LETM2: variants seen among roughly 807,000 people sequenced by gnomAD.
LETM2 encodes the protein leucine zipper and EF-hand containing transmembrane protein 2.
Under a neutral mutation model 59.6 loss-of-function variants are expected in LETM2, and 58 were observed. The ratio of observed to expected loss-of-function variants is 0.97; its 90% CI spans 0.79 to 1.21. The LOEUF (loss-of-function observed/expected upper bound fraction) is 1.21. Among genes scored for constraint, LETM2 ranks in the 50% most tolerant of loss-of-function variants. LETM2 has a pLI of 0.00. For missense variants in LETM2, 572 were observed against 575.7 expected, an observed-to-expected ratio of 0.99 and a Z score of 0.07; for synonymous variants, 199 against 214.1, an observed-to-expected ratio of 0.93 and a Z score of 0.62.
intron 2 of LETM2, among the ~76,000 whole-genome samples, chr8:38,389,914 G>A (rs1812079840): frequency 6.7e-6 from 1 of 148,988 alleles, no homozygotes; most frequent in Admixed American, 6.9e-5. Flanking sequence ...CAGGAGAATC[G>A]CTTGAACCTG....
chr8:38,399,149 A>G (rs1812947778), intron 4 of LETM2, among the ~76,000 whole-genome samples: 1 of 152,068 alleles, frequency 6.6e-6, no homozygotes, highest in Non-Finnish European at 1.5e-5. Flanking sequence ...ACTTAAAAAT[A>G]TACGTAGATT....
chr8:38,408,801 A>C lies in LETM2; in HGVS notation c.*527A>C, dbSNP rs1444757622. 1 of 152,434 alleles carries C rather than the reference A, an allele frequency of 6.6e-6. No individual in the cohort carries two copies. The highest frequency in any genetic ancestry group is 1.5e-5 in the Non-Finnish European group (1 of 68,210). 9.4% of individuals were successfully genotyped at this position (152,434 alleles called of 1,614,324 possible). ...AGTAAGATCTTTCTGGATATAATGAAGCTTCCTGGAGAAACAGACTGGCAA... is the reference window on the plus strand; with the variant it reads ...AGTAAGATCTTTCTGGATATAATGACGCTTCCTGGAGAAACAGACTGGCAA... On this transcript the variant is annotated 3_prime_UTR_variant, in exon 11 of 11. Transcript: ENST00000379957.
Position 38,406,800 on chromosome 8 carries a change from T to C in LETM2, c.1219-146T>C. 3 of 555,228 alleles carry C rather than the reference T, an allele frequency of 5.4e-6. No homozygotes were observed. The South Asian group carries it at 8.0e-5, about 15-fold the overall frequency. The allele number at this position is 555,228 out of a possible 1,614,324, so 34.4% of individuals were successfully genotyped here. On this transcript the variant is annotated intron_variant, in intron 8 of 10. Transcript: ENST00000379957. ...CTACATCAGGGGCATATTTCATAGG[T>C]TACTCATAAAGGGTGTAGCTAGAGG...
rs750011845 is a variant in LETM2 at position 38,392,896 on chromosome 8, C to A, written c.402C>A (p.Tyr134Ter). ...QKIMDELKYY[Y>*]NGFYLLWIDA... ...TCATGGATGAACTAAAATATTATTA[C>A]AATGGATTCTACTTACTTTGGATTG... Residue 134 changes from tyrosine (Y) to a stop codon, truncating the protein, a stop_gained, in exon 3 of 11, where the codon TAC becomes TAA. Transcript: ENST00000379957. LOFTEE classifies it high-confidence loss of function. 1.2e-6 allele frequency: 2 copies of A among 1,613,954 alleles called. No individual in the cohort carries two copies. The highest frequency in any genetic ancestry group is 1.7e-5 in the Admixed American group (1 of 60,020).
intron 6 of LETM2, among the ~76,000 whole-genome samples, chr8:38,402,125 G>A (rs1813280325): frequency 6.6e-6 from 1 of 152,146 alleles, no homozygotes; most frequent in African/African-American, 2.4e-5. Context: ...GGGGTGTTGG[G>A]GGGACAGCAG....
chr8:38,387,480 C>T (rs1376873034), intron 1 of LETM2, among the ~76,000 whole-genome samples: 2 of 152,174 alleles, frequency 1.3e-5, no homozygotes, highest in Non-Finnish European at 2.9e-5. Flanking sequence ...CTACCTTCAT[C>T]CACTGCTACA....
chr8:38,395,838 G>T (rs753569144), intron 4 of LETM2, among the ~76,000 whole-genome samples: 7 of 151,884 alleles, frequency 4.6e-5, no homozygotes, highest in African/African-American at 1.5e-4. Flanking sequence ...TTTTAATTGG[G>T]TTTTTTTGTT....
At chr8:38,404,141 G>T (rs529166425) in intron 7 of LETM2, among the ~76,000 whole-genome samples, 45 of 152,192 alleles carry the variant, frequency 3.0e-4, no homozygotes, top group Non-Finnish European at 5.7e-4. Context: ...TCCACAGTTG[G>T]GTTGAGAGTT....
At chr8:38,386,621 CT>C (rs961225070) in intron 1 of LETM2, 53 bp downstream of exon 1, 7 of 152,190 alleles carry the variant, frequency 4.6e-5, no homozygotes, top group African/African-American at 1.4e-4. Flanking sequence ...GCCGCGCTGC[CT>C]TTTTTTCCTC....
chr8:38,400,383 A>G lies in LETM2; in HGVS notation c.757A>G (p.Thr253Ala), dbSNP rs201328621. Reference protein sequence around the residue: ...RNRAKMGDASTQLSSYVKQVQ... With the variant: ...RNRAKMGDASAQLSSYVKQVQ... ...CAGAGCCAAGATGGGCGATGCCTCT[A>G]CACAGCTCTCATCCTACGTGAAGCA... Residue 253 changes from threonine (T) to alanine (A), a missense_variant, in exon 5 of 11, where the codon ACA becomes GCA. Thr to Ala is a moderately conservative substitution (Grantham distance 58). Transcript: ENST00000379957. 1 of 1,607,386 alleles carries G rather than the reference A, an allele frequency of 6.2e-7. No homozygotes were observed. Among genetic ancestry groups the G allele is most frequent in the African/African-American group, 1.3e-5 (1 of 74,750 alleles).
In LETM2 at chr8:38,404,373, G is replaced by GT; in HGVS notation, c.1105-18dup. The GT allele has an allele frequency of 6.6e-7, 1 of 1,519,634 alleles. No homozygotes were observed. The highest frequency in any genetic ancestry group is 9.1e-7 in the Non-Finnish European group (1 of 1,094,562). 94.1% of individuals were successfully genotyped at this position (1,519,634 alleles called of 1,614,324 possible). A position where few individuals can be genotyped will look rare whatever the true frequency, so the allele number is the denominator to read the frequency against. On this transcript the variant is annotated intron_variant, in intron 7 of 10. Coordinates refer to ENST00000379957, the MANE Select transcript of LETM2 (RefSeq NM_001286819.2). ...TCTGGTGTTCTGATTCTCACGTGTT[G>GT]TTCCCCTCCCGTTCTCCAGTGGCAG...
At chr8:38,394,429 A>G (rs1812527590) in intron 4 of LETM2, 188 bp downstream of exon 4, 2 of 431,344 alleles carry the variant, frequency 4.6e-6, no homozygotes, top group Non-Finnish European at 8.2e-6. Flanking sequence ...ACATGTTATT[A>G]TTAAAGCTCA....
In LETM2 at chr8:38,402,659, C is replaced by T. The variant is rs750916385; in HGVS notation, c.1104+15C>T. On this transcript the variant is annotated intron_variant, in intron 7 of 10. Coordinates refer to ENST00000379957, the MANE Select transcript of LETM2 (RefSeq NM_001286819.2). Reference sequence around the variant, plus strand: ...AGCTCACGGAGGCAAGTAGCAGCGCCCCTCTGGGGTCCTCTTCCCTAGAAC... The same window carrying T: ...AGCTCACGGAGGCAAGTAGCAGCGCTCCTCTGGGGTCCTCTTCCCTAGAAC... The T allele has an allele frequency of 6.2e-7, 1 of 1,613,508 alleles. No individual in the cohort carries two copies.
intron 4 of LETM2, among the ~76,000 whole-genome samples, chr8:38,395,381 T>C (rs1446469093): frequency 1.3e-5 from 2 of 152,260 alleles, no homozygotes; most frequent in Non-Finnish European, 2.9e-5. Context: ...GTCAGTGCTC[T>C]AGACATTAGC....
Position 38,388,712 on chromosome 8 carries a change from A to C in LETM2, c.47+682A>C, listed in dbSNP as rs1477011695. Reference sequence around the variant, plus strand: ...TCCAGCTTGGGCAACAAGAGTAAAAATCCATCTCAAAAAAAAAAAAGAAAA... The same window carrying C: ...TCCAGCTTGGGCAACAAGAGTAAAACTCCATCTCAAAAAAAAAAAAGAAAA... On this transcript the variant is annotated intron_variant, in intron 2 of 10. Transcript: ENST00000379957. 1.4e-5 allele frequency among the ~76,000 whole-genome samples: 2 copies of C among 140,260 alleles called. 1 individual carries two copies. The highest frequency in any genetic ancestry group is 5.2e-5 in the African/African-American group (2 of 38,132). 92.0% of individuals were successfully genotyped at this position (140,260 alleles called of 152,430 possible).
intron 4 of LETM2, among the ~76,000 whole-genome samples, chr8:38,396,164 AT>A (rs200309382): frequency 0.21 from 32,049 of 149,576 alleles, 3,574 homozygotes; most frequent in East Asian, 0.31. Context: ...TTTTTTATTT[AT>A]TTATTTTTTT....
Position 38,392,737 on chromosome 8 carries a change from T to C in LETM2, c.243T>C (p.Thr81=), listed in dbSNP as rs756785022. 8.7e-6 allele frequency: 14 copies of C among 1,614,048 alleles called. No homozygotes were observed. In the East Asian group the frequency reaches 2.4e-4, roughly 28 times the overall value. ...TRLIQKLHTS[T]CWLQEVPGKP... ...TAATACAAAAGCTACACACATCCAC[T>C]TGCTGGCTGCAAGAAGTTCCTGGCA... is the stretch of plus-strand genomic sequence containing the variant. Residue 81 remains threonine (T), a synonymous_variant, in exon 3 of 11, where the codon ACT becomes ACC. Transcript: ENST00000379957.
intron 2 of LETM2, among the ~76,000 whole-genome samples, chr8:38,391,334 C>T (rs1429081297): frequency 4.2e-5 from 5 of 118,252 alleles, no homozygotes; most frequent in Admixed American, 1.0e-4. Flanking sequence ...AGACAAGTCT[C>T]GCTTTGTCGC....
At position 38,394,144 on chromosome 8, in the gene LETM2, T is replaced by G; in HGVS notation, c.548T>G (p.Val183Gly). ...TTCTTCCGCCTGGTTCCATTTATGG[T>G]GTTCTTAATTGTACCCTTCATGGAA... is the stretch of plus-strand genomic sequence containing the variant. ...VDFFRLVPFM[V>G]FLIVPFMEFL... The change falls in exon 4 of 11, where the codon GTG becomes GGG. Residue 183 changes from valine to glycine, a missense_variant. By Grantham distance (109) the Val-to-Gly change is moderately radical (BLOSUM62 -3). Transcript: ENST00000379957. The G allele has an allele frequency of 1.3e-6, 2 of 1,509,822 alleles. No homozygotes were observed. The highest frequency in any genetic ancestry group is 1.8e-6 in the Non-Finnish European group (2 of 1,135,504). 93.5% of individuals were successfully genotyped at this position (1,509,822 alleles called of 1,614,324 possible).
Sources: allele counts gnomAD v4.1 joint callset (sites outside exome capture counted in the v4.1 genomes callset), GRCh38; gene constraint gnomAD v4.1.1; transcripts MANE v1.5; gene names NCBI Gene and HGNC (gene_info 2026-07-23, HGNC 2026-07-21).